The following MACROD2 variants were observed in gnomAD, a reference collection of about 807,000 sequenced individuals.
The protein encoded by MACROD2 is mono-ADP ribosylhydrolase 2.
In MACROD2, 36 loss-of-function variants were observed where a neutral mutation model predicts 70.4. The observed-to-expected ratio is 0.51, with a 90% CI of 0.39 to 0.68. The LOEUF (loss-of-function observed/expected upper bound fraction) is 0.68. MACROD2 is among the 30% of genes least tolerant of loss of function. The pLI is 0.00. For synonymous variants in MACROD2, 172 were observed against 178.8 expected (o/e 0.96, Z 0.30); for missense variants, 496 against 538.4 (o/e 0.92, Z 0.78).
chr20:14,981,509 T>C (rs1195578139), intron 5 of MACROD2, among the ~76,000 whole-genome samples: 1 of 151,688 alleles, frequency 6.6e-6, no homozygotes, highest in Non-Finnish European at 1.5e-5. Context: ...TTTGGCCGTG[T>C]CCCCACTCAA....
chr20:15,696,075 C>G (rs1490917286), intron 8 of MACROD2, among the ~76,000 whole-genome samples: 7 of 152,194 alleles, frequency 4.6e-5, no homozygotes, highest in Admixed American at 4.6e-4. Context: ...ACTTCCAGTA[C>G]TATGTTGAAG....
At chr20:15,416,338 T>A (rs2046148408) in intron 6 of MACROD2, among the ~76,000 whole-genome samples, 1 of 152,242 alleles carries the variant, frequency 6.6e-6, no homozygotes, top group Non-Finnish European at 1.5e-5. Context: ...TTTAGACATC[T>A]CTTTCTTGGT....
chr20:14,891,929 G>T (rs996439889), intron 5 of MACROD2, among the ~76,000 whole-genome samples: 2 of 152,030 alleles, frequency 1.3e-5, no homozygotes, highest in African/African-American at 4.8e-5. Flanking sequence ...TCATCAATAA[G>T]ATGAATATAT....
intron 6 of MACROD2, among the ~76,000 whole-genome samples, chr20:15,371,566 A>T (rs2045494646): frequency 6.6e-6 from 1 of 152,182 alleles, no homozygotes; most frequent in Non-Finnish European, 1.5e-5. Context: ...GAGGTTTGTG[A>T]AACCTCTAAC....
At chr20:15,844,160 C>T (rs2064204120) in intron 8 of MACROD2, among the ~76,000 whole-genome samples, 1 of 152,014 alleles carries the variant, frequency 6.6e-6, no homozygotes, top group South Asian at 2.1e-4. Context: ...AATAAAGGGA[C>T]TGACAGAATC....
chr20:15,226,982 C>G (rs1237397943), intron 5 of MACROD2, among the ~76,000 whole-genome samples: 1 of 152,092 alleles, frequency 6.6e-6, no homozygotes, highest in African/African-American at 2.4e-5. Context: ...CTCATAAGTA[C>G]TATGGACAAT....
At chr20:15,776,800 T>C (rs2051729411) in intron 8 of MACROD2, among the ~76,000 whole-genome samples, 1 of 152,204 alleles carries the variant, frequency 6.6e-6, no homozygotes. Context: ...CTAAATTTCA[T>C]GTCTTGATTA....
chr20:14,232,454 A>G (rs146641809), intron 3 of MACROD2, among the ~76,000 whole-genome samples: 16 of 152,310 alleles, frequency 1.1e-4, no homozygotes, highest in African/African-American at 3.6e-4. Flanking sequence ...TTCATCAGTT[A>G]TCTTAGCTAG....
At chr20:15,676,944 C>T (rs879562028) in intron 8 of MACROD2, among the ~76,000 whole-genome samples, 35 of 152,322 alleles carry the variant, frequency 2.3e-4, no homozygotes, top group African/African-American at 7.9e-4. Flanking sequence ...TTGGGTTCAT[C>T]TCCTTGATGG....
intron 5 of MACROD2, among the ~76,000 whole-genome samples, chr20:14,995,073 A>G (rs568491200): frequency 6.6e-6 from 1 of 152,166 alleles, no homozygotes; most frequent in Non-Finnish European, 1.5e-5. Flanking sequence ...ACTACATCAT[A>G]ATATTTACCT....
chr20:15,612,591 C>T lies in MACROD2; in HGVS notation c.645+112744C>T, dbSNP rs571927293. On this transcript the variant is annotated intron_variant, in intron 8 of 17. Coordinates refer to ENST00000684519, the MANE Select transcript of MACROD2 (RefSeq NM_001351661.2). Reference sequence around the variant, plus strand: ...TGAGACTGCAGACCTCCACGTTCTGCGGAAGAAATGCTCTGCTGCCACTAA... The same window carrying T: ...TGAGACTGCAGACCTCCACGTTCTGTGGAAGAAATGCTCTGCTGCCACTAA... Among the ~76,000 whole-genome samples, 11 of 152,258 alleles carry T rather than the reference C, an allele frequency of 7.2e-5. No individual in the cohort carries two copies. In the East Asian group the frequency reaches 1.4e-3, roughly 19 times the overall value.
At chr20:15,636,287 C>T (rs200775) in intron 8 of MACROD2, among the ~76,000 whole-genome samples, 36,741 of 151,782 alleles carry the variant, frequency 0.24, 5,199 homozygotes, top group East Asian at 0.37. Context: ...CAAAAGAACA[C>T]ATTCTAGAAG....
chr20:14,297,104 G>A (rs1332947819), intron 3 of MACROD2, among the ~76,000 whole-genome samples: 2 of 151,740 alleles, frequency 1.3e-5, no homozygotes, highest in African/African-American at 4.9e-5. Context: ...ATATAAGATG[G>A]CAAACTTAAT....
intron 4 of MACROD2, among the ~76,000 whole-genome samples, chr20:14,635,223 T>C (rs1323254073): frequency 1.3e-5 from 2 of 152,232 alleles, no homozygotes; most frequent in Non-Finnish European, 2.9e-5. Context: ...GGAGAGGCAC[T>C]CTGGCATTGT....
chr20:15,524,946 T>G (rs1363356979), intron 8 of MACROD2, among the ~76,000 whole-genome samples: 2 of 152,194 alleles, frequency 1.3e-5, no homozygotes, highest in Non-Finnish European at 2.9e-5. Flanking sequence ...CAACTCTAGA[T>G]TCTTAGGCTC....
At chr20:15,245,561 A>AT (rs1169387843) in intron 6 of MACROD2, among the ~76,000 whole-genome samples, 1 of 152,236 alleles carries the variant, frequency 6.6e-6, no homozygotes, top group African/African-American at 2.4e-5. Context: ...CTTACTTATG[A>AT]TTTTTTAGTT....
rs188621774 is a variant in MACROD2, at chr20:14,808,955, A to G, written c.418+123996A>G. On this transcript the variant is annotated intron_variant, in intron 5 of 17. Transcript: ENST00000684519. Reference sequence around the variant, plus strand: ...TCATAAAGCAAGTTCTTAGAGACCTACAAAGAGACTTAGACTCCTACACAA... The same window carrying G: ...TCATAAAGCAAGTTCTTAGAGACCTGCAAAGAGACTTAGACTCCTACACAA... Among the ~76,000 whole-genome samples, 135 of 152,240 alleles carry G rather than the reference A, an allele frequency of 8.9e-4. 1 individual carries two copies. Among genetic ancestry groups the G allele is most frequent in the Non-Finnish European group, 1.4e-3 (94 of 67,990 alleles).
intron 8 of MACROD2, among the ~76,000 whole-genome samples, chr20:15,534,922 G>A (rs79987336): frequency 1.0e-3 from 153 of 152,034 alleles, no homozygotes; most frequent in African/African-American, 3.5e-3. Context: ...TTCTAATTAG[G>A]ATTAGAAAAT....
intron 6 of MACROD2, among the ~76,000 whole-genome samples, chr20:15,427,137 C>T (rs2046309014): frequency 6.6e-6 from 1 of 152,132 alleles, no homozygotes; most frequent in South Asian, 2.1e-4. Flanking sequence ...ACTCTATTTC[C>T]ATCTCTGCTT....
Sources: allele counts gnomAD v4.1 joint callset (sites outside exome capture counted in the v4.1 genomes callset), GRCh38; gene constraint gnomAD v4.1.1; transcripts MANE v1.5; gene names NCBI Gene and HGNC (gene_info 2026-07-23, HGNC 2026-07-21).